TRAPPC9: variants seen among roughly 807,000 people sequenced by gnomAD.
TRAPPC9 encodes trafficking protein particle complex subunit 9, also known as IKK2 binding protein.
In TRAPPC9, 83 loss-of-function variants were observed where a neutral mutation model predicts 124.0. The ratio of observed to expected loss-of-function variants is 0.67; its 90% CI spans 0.56 to 0.80. The LOEUF (loss-of-function observed/expected upper bound fraction) is 0.80. TRAPPC9 is among the 30% of genes least tolerant of loss of function. The probability of loss-of-function intolerance (pLI) is 0.00; values close to 1 mark genes in which losing one functional copy is unlikely to be tolerated. For missense variants in TRAPPC9, 1,302 were observed against 1,508.3 expected, an observed-to-expected ratio of 0.86 and a Z score of 2.27; for synonymous variants, 638 against 617.5, an observed-to-expected ratio of 1.03 and a Z score of -0.49.
chr8:140,379,740 G>C (rs547941403), intron 7 of TRAPPC9, among the ~76,000 whole-genome samples: 47 of 152,168 alleles, frequency 3.1e-4, no homozygotes, highest in African/African-American at 1.0e-3. Flanking sequence ...AAAAATGAGA[G>C]GACAATCTAT....
chr8:140,303,624 T>C (rs1037124453), intron 10 of TRAPPC9, among the ~76,000 whole-genome samples: 5 of 152,262 alleles, frequency 3.3e-5, no homozygotes, highest in African/African-American at 1.2e-4. Context: ...CAATTAGCCT[T>C]GGGCCAAAAG....
At chr8:140,044,158 T>C (rs1331894334) in intron 17 of TRAPPC9, among the ~76,000 whole-genome samples, 1 of 152,062 alleles carries the variant, frequency 6.6e-6, no homozygotes, top group Non-Finnish European at 1.5e-5. Context: ...CTCTTTCTTC[T>C]GCTTCACAGC....
intron 17 of TRAPPC9, among the ~76,000 whole-genome samples, chr8:140,157,776 G>A (rs958187925): frequency 6.6e-6 from 1 of 151,606 alleles, no homozygotes; most frequent in Admixed American, 6.6e-5. Context: ...AAAGCAAAAA[G>A]AAGAAAAATT....
chr8:139,946,929 G>A (rs1232305259), intron 19 of TRAPPC9, among the ~76,000 whole-genome samples: 1 of 152,146 alleles, frequency 6.6e-6, no homozygotes, highest in Non-Finnish European at 1.5e-5. Flanking sequence ...AGAGGTTGCA[G>A]TGAGCTGAGA....
At chr8:140,165,528 G>C (rs920253625) in intron 17 of TRAPPC9, among the ~76,000 whole-genome samples, 11 of 146,628 alleles carry the variant, frequency 7.5e-5, no homozygotes, top group African/African-American at 2.5e-4. Flanking sequence ...GACAGAATGA[G>C]TGTCTGTCAA....
At chr8:139,926,210 G>T (rs1379382708) in intron 19 of TRAPPC9, among the ~76,000 whole-genome samples, 1 of 152,240 alleles carries the variant, frequency 6.6e-6, no homozygotes, top group Non-Finnish European at 1.5e-5. Context: ...AGCTTGAGGA[G>T]CTGAGATGTG....
chr8:139,928,809 G>A (rs533773730), intron 19 of TRAPPC9, among the ~76,000 whole-genome samples: 2 of 151,168 alleles, frequency 1.3e-5, no homozygotes, highest in African/African-American at 4.9e-5. Flanking sequence ...ACAGGGTCTT[G>A]TCTCACCCTT....
intron 9 of TRAPPC9, among the ~76,000 whole-genome samples, chr8:140,319,092 T>G (rs2066519483): frequency 6.6e-6 from 1 of 152,220 alleles, no homozygotes; most frequent in Non-Finnish European, 1.5e-5. Context: ...TCAATCCATC[T>G]TCTTCCATTT....
intron 17 of TRAPPC9, among the ~76,000 whole-genome samples, chr8:140,033,671 T>TGTTTTG (rs1563706739): frequency 3.6e-5 from 3 of 82,928 alleles, no homozygotes; most frequent in Non-Finnish European, 6.7e-5. Context: ...TTTTTTTTTT[T>TGTTTTG]TTTTTTTTTT....
intron 15 of TRAPPC9, among the ~76,000 whole-genome samples, chr8:140,260,539 C>G (rs2064379497): frequency 6.6e-6 from 1 of 152,178 alleles, no homozygotes; most frequent in Non-Finnish European, 1.5e-5. Flanking sequence ...TAATGAAAAC[C>G]ACTAGTGCAA....
chr8:140,395,445 T>C (rs1363892836), intron 7 of TRAPPC9, among the ~76,000 whole-genome samples: 7 of 152,192 alleles, frequency 4.6e-5, no homozygotes, highest in Admixed American at 3.3e-4. Flanking sequence ...GAAGTGAAGC[T>C]GGAATGCCAA....
At chr8:139,857,113 G>A (rs1055905175) in intron 21 of TRAPPC9, among the ~76,000 whole-genome samples, 5 of 150,674 alleles carry the variant, frequency 3.3e-5, no homozygotes, top group Admixed American at 6.6e-5. Context: ...CAGGCAGAAG[G>A]AAAGCATGTG....
chr8:139,983,160 GAC>G (rs1269313394), intron 19 of TRAPPC9, among the ~76,000 whole-genome samples: 5 of 152,142 alleles, frequency 3.3e-5, no homozygotes, highest in African/African-American at 1.2e-4. Context: ...ACCATGTGAG[GAC>G]ACAGTGAGAA....
chr8:140,111,044 G>A (rs2060766231), intron 17 of TRAPPC9, among the ~76,000 whole-genome samples: 1 of 146,754 alleles, frequency 6.8e-6, no homozygotes, highest in South Asian at 2.3e-4. Context: ...GTCCCCAGCT[G>A]CTGATAGCCC....
rs1386403864 is a variant in TRAPPC9 at position 140,232,713 on chromosome 8, C to T, written c.2432-11130G>A. Among the ~76,000 whole-genome samples, 4 of 152,294 alleles carry T rather than the reference C, an allele frequency of 2.6e-5. No homozygotes were observed. The East Asian group carries it at 5.8e-4, about 22-fold the overall frequency. On this transcript the variant is annotated intron_variant, in intron 16 of 22. Coordinates refer to ENST00000438773, the MANE Select transcript of TRAPPC9 (RefSeq NM_001160372.4). The stretch of plus-strand genomic sequence containing the variant: ...TTGTGTCTTTTGTATCTTGTTTATA[C>T]GTGTTACTCCATTTCTACTTGAAGA...
chr8:140,203,727 G>A (rs1263976684), intron 17 of TRAPPC9, among the ~76,000 whole-genome samples: 2 of 152,178 alleles, frequency 1.3e-5, no homozygotes, highest in Admixed American at 1.3e-4. Context: ...AAGTGAGAAG[G>A]ACTCAGCCGA....
Position 140,267,662 on chromosome 8 carries a change from C to T in TRAPPC9, c.2278+7996G>A, listed in dbSNP as rs200987754. ...TAAAAGCTATTCTTTTGGGGTTTTT[C>T]GTTGTTGTTGTTGTTGTTGTTTGAG... On this transcript the variant is annotated intron_variant, in intron 15 of 22. Coordinates refer to ENST00000438773, the MANE Select transcript of TRAPPC9 (RefSeq NM_001160372.4). Among the ~76,000 whole-genome samples the T allele has an allele frequency of 5.5e-3, 840 of 151,754 alleles. 7 individuals carry two copies. Among genetic ancestry groups the T allele is most frequent in the African/African-American group, 0.019 (801 of 41,360 alleles).
At chr8:140,089,406 C>T (rs1203557536) in intron 17 of TRAPPC9, among the ~76,000 whole-genome samples, 1 of 152,148 alleles carries the variant, frequency 6.6e-6, no homozygotes, top group Non-Finnish European at 1.5e-5. Flanking sequence ...GACCAGGCAG[C>T]CCCCTGTAAC....
intron 19 of TRAPPC9, among the ~76,000 whole-genome samples, chr8:139,975,860 C>G (rs1836408465): frequency 6.6e-6 from 1 of 152,074 alleles, no homozygotes; most frequent in Non-Finnish European, 1.5e-5. Flanking sequence ...CAGAAAATAA[C>G]CCTCATGTTT....
Sources: allele counts gnomAD v4.1 joint callset (sites outside exome capture counted in the v4.1 genomes callset), GRCh38; gene constraint gnomAD v4.1.1; transcripts MANE v1.5; gene names NCBI Gene and HGNC (gene_info 2026-07-23, HGNC 2026-07-21).